Variants in NRXN1 observed in about 807,000 individuals in gnomAD.
NRXN1 encodes neurexin 1, also known as neurexin-1.
NRXN1 carries 39 observed loss-of-function variants against 150.9 expected under a neutral mutation model. The ratio of observed to expected loss-of-function variants is 0.26; its 90% CI spans 0.20 to 0.34. The LOEUF is 0.34. NRXN1 is among the 10% of genes least tolerant of loss of function. The probability of loss-of-function intolerance (pLI) is 1.00; values close to 1 mark genes in which losing one functional copy is unlikely to be tolerated. For missense variants in NRXN1, 1,815 were observed against 1,949.9 expected, an observed-to-expected ratio of 0.93 and a Z score of 1.30; for synonymous variants, 924 against 757.0, an observed-to-expected ratio of 1.22 and a Z score of -3.62.
chr2:50,052,473 T>C (rs1359087849), intron 21 of NRXN1, among the ~76,000 whole-genome samples: 2 of 152,138 alleles, frequency 1.3e-5, no homozygotes, highest in Non-Finnish European at 2.9e-5. Context: ...TAAGGTTTTT[T>C]TTTCCCTGTG....
intron 15 of NRXN1, among the ~76,000 whole-genome samples, chr2:50,475,725 C>T (rs1041162296): frequency 1.3e-5 from 2 of 152,032 alleles, no homozygotes; most frequent in African/African-American, 4.8e-5. Flanking sequence ...TTTATAAACT[C>T]TTTGATATAG....
At chr2:50,647,670 G>A (rs534226858) in intron 5 of NRXN1, among the ~76,000 whole-genome samples, 41 of 152,042 alleles carry the variant, frequency 2.7e-4, no homozygotes, top group African/African-American at 8.7e-4. Context: ...TAGGAAGAAA[G>A]TCAGGGACAA....
intron 17 of NRXN1, among the ~76,000 whole-genome samples, chr2:50,339,534 T>A (rs905566103): frequency 1.3e-5 from 2 of 152,182 alleles, no homozygotes; most frequent in African/African-American, 2.4e-5. Context: ...CAGTTAAAAT[T>A]CACAAATCTC....
intron 21 of NRXN1, among the ~76,000 whole-genome samples, chr2:50,049,600 T>C (rs987182243): frequency 1.3e-5 from 2 of 152,066 alleles, no homozygotes; most frequent in African/African-American, 4.8e-5. Context: ...AACAAAAAGA[T>C]CGTAAAATGT....
At chr2:50,679,297 T>A (rs1046107690) in intron 5 of NRXN1, among the ~76,000 whole-genome samples, 13 of 152,126 alleles carry the variant, frequency 8.5e-5, no homozygotes, top group Non-Finnish European at 1.8e-4. Flanking sequence ...GGACAAAGGC[T>A]GAGGTCCTCC....
intron 5 of NRXN1, among the ~76,000 whole-genome samples, chr2:50,858,780 T>C (rs532069213): frequency 1.2e-4 from 19 of 152,246 alleles, no homozygotes; most frequent in Middle Eastern, 3.4e-3. Context: ...TATTTGCATT[T>C]ACATATTTCT....
At chr2:50,354,664 A>G (rs1474788641) in intron 17 of NRXN1, among the ~76,000 whole-genome samples, 1 of 150,482 alleles carries the variant, frequency 6.6e-6, no homozygotes, top group African/African-American at 2.4e-5. Flanking sequence ...GGGAGAAAAT[A>G]AATCAGAATT....
chr2:50,806,748 T>C (rs986652144), intron 5 of NRXN1, among the ~76,000 whole-genome samples: 6 of 152,178 alleles, frequency 3.9e-5, no homozygotes, highest in African/African-American at 1.4e-4. Flanking sequence ...TCTCTCTCTC[T>C]TATTGAGCTA....
intron 5 of NRXN1, among the ~76,000 whole-genome samples, chr2:50,803,443 T>C (rs1166877784): frequency 6.6e-6 from 1 of 152,164 alleles, no homozygotes; most frequent in African/African-American, 2.4e-5. Context: ...ACTCTCATAA[T>C]CTCTCTAGTA....
chr2:50,336,962 G>C (rs1245471281), intron 17 of NRXN1, among the ~76,000 whole-genome samples: 1 of 152,050 alleles, frequency 6.6e-6, no homozygotes, highest in African/African-American at 2.4e-5. Context: ...TTCTCTGTGG[G>C]TCTGTTATGA....
At chr2:50,712,812 G>C (rs1189849947) in intron 5 of NRXN1, among the ~76,000 whole-genome samples, 1 of 152,114 alleles carries the variant, frequency 6.6e-6, no homozygotes, top group Non-Finnish European at 1.5e-5. Context: ...AACCTACTCA[G>C]CCAAAGATGA....
At chr2:50,521,549 T>C (rs2092789215) in intron 12 of NRXN1, among the ~76,000 whole-genome samples, 2 of 152,186 alleles carry the variant, frequency 1.3e-5, no homozygotes, top group South Asian at 4.1e-4. Context: ...GTAAAAGAAG[T>C]GGATAAGAGT....
intron 7 of NRXN1, 44 bp downstream of exon 7, chr2:50,621,182 G>C: frequency 6.6e-7 from 1 of 1,518,088 alleles, no homozygotes; most frequent in Non-Finnish European, 8.9e-7. Flanking sequence ...CCCAAAATAA[G>C]AAACAATTAG....
intron 2 of NRXN1, among the ~76,000 whole-genome samples, chr2:50,946,020 G>C (rs1310970528): frequency 1.3e-5 from 2 of 150,954 alleles, no homozygotes; most frequent in Non-Finnish European, 1.5e-5. Context: ...ACTTACTCTG[G>C]AATGACCATA....
rs376113387 is a variant in NRXN1, at chr2:50,200,754, T to A, written c.3546+36035A>T. Among the ~76,000 whole-genome samples the A allele has an allele frequency of 5.4e-4, 82 of 152,260 alleles. No individual in the cohort carries two copies. In the South Asian group the frequency reaches 6.2e-3, roughly 12 times the overall value. On this transcript the variant is annotated intron_variant, in intron 18 of 22. Transcript: ENST00000401669. ...TGAAATGAAATTTTAGTGCACTGAGTTATGGTTTTCAAAAGTAAGAGCAAC... is the reference window on the plus strand; with the variant it reads ...TGAAATGAAATTTTAGTGCACTGAGATATGGTTTTCAAAAGTAAGAGCAAC...
At chr2:50,380,176 C>A (rs1256360516) in intron 17 of NRXN1, among the ~76,000 whole-genome samples, 1 of 151,958 alleles carries the variant, frequency 6.6e-6, no homozygotes, top group Non-Finnish European at 1.5e-5. Context: ...TGCTTTATAA[C>A]CTTACCATTG....
At chr2:50,991,160 T>C (rs1698488189) in intron 2 of NRXN1, among the ~76,000 whole-genome samples, 1 of 152,044 alleles carries the variant, frequency 6.6e-6, no homozygotes, top group Non-Finnish European at 1.5e-5. Context: ...AATAAGCTGT[T>C]AAGCTTTTTT....
intron 5 of NRXN1, among the ~76,000 whole-genome samples, chr2:50,686,178 CT>C (rs1242177808): frequency 6.6e-6 from 1 of 151,882 alleles, no homozygotes; most frequent in Non-Finnish European, 1.5e-5. Context: ...CTAGAGTTTT[CT>C]TTTTTTTAAT....
At chr2:50,839,189 T>C (rs950572050) in intron 5 of NRXN1, among the ~76,000 whole-genome samples, 1 of 152,190 alleles carries the variant, frequency 6.6e-6, no homozygotes, top group Non-Finnish European at 1.5e-5. Context: ...TTGATTTTTT[T>C]CTAAGTAGCC....
Sources: gnomAD v4.1 joint callset for allele counts (sites outside exome capture counted in the v4.1 genomes callset) on GRCh38, gnomAD v4.1.1 for gene constraint, MANE v1.5 for transcripts, NCBI Gene and HGNC (gene_info 2026-07-23, HGNC 2026-07-21) for gene names.